NELL2: variants seen among roughly 807,000 people sequenced by gnomAD.
The protein encoded by NELL2 is protein kinase C-binding protein NELL2.
NELL2 carries 41 observed loss-of-function variants against 109.6 expected under a neutral mutation model. The observed-to-expected ratio is 0.37, with a 90% CI of 0.29 to 0.49. The LOEUF is 0.49. Among genes scored for constraint, NELL2 ranks in the 20% least tolerant of loss-of-function variants. The pLI is 0.98. For missense variants in NELL2, 900 were observed against 1,008.3 expected, an observed-to-expected ratio of 0.89 and a Z score of 1.45; for synonymous variants, 355 against 344.7, an observed-to-expected ratio of 1.03 and a Z score of -0.33.
chr12:44,717,697 A>C (rs894200456), intron 9 of NELL2, among the ~76,000 whole-genome samples: 2 of 152,198 alleles, frequency 1.3e-5, no homozygotes, highest in Non-Finnish European at 2.9e-5. Context: ...AGCCAGAATT[A>C]TGGAGGAGAG....
intron 15 of NELL2, among the ~76,000 whole-genome samples, chr12:44,563,085 A>G (rs1413013670): frequency 6.6e-6 from 1 of 152,150 alleles, no homozygotes; most frequent in Admixed American, 6.5e-5. Context: ...AAAACACCAC[A>G]TGTTCTCACT....
intron 15 of NELL2, among the ~76,000 whole-genome samples, chr12:44,545,428 G>A (rs1049498603): frequency 3.7e-4 from 57 of 152,170 alleles, no homozygotes; most frequent in African/African-American, 1.7e-4. Context: ...AATGTCTATC[G>A]TGTAAAAATG....
At chr12:44,629,189 A>G (rs1351320654) in intron 13 of NELL2, among the ~76,000 whole-genome samples, 1 of 152,224 alleles carries the variant, frequency 6.6e-6, no homozygotes, top group Non-Finnish European at 1.5e-5. Context: ...ATGAAAGGGT[A>G]TAATTTCAGT....
intron 9 of NELL2, among the ~76,000 whole-genome samples, chr12:44,737,195 G>A (rs1939696291): frequency 6.6e-6 from 1 of 151,786 alleles, no homozygotes; most frequent in Admixed American, 6.6e-5. Context: ...GATAAAGTAT[G>A]TTTAATTTTT....
chr12:44,856,579 G>T (rs1944690162), intron 2 of NELL2, among the ~76,000 whole-genome samples: 1 of 152,184 alleles, frequency 6.6e-6, no homozygotes, highest in Non-Finnish European at 1.5e-5. Flanking sequence ...TGGGGGAAGA[G>T]CATTCCAGGG....
intron 3 of NELL2, among the ~76,000 whole-genome samples, chr12:44,783,749 TA>T (rs1942053550): frequency 3.3e-5 from 5 of 151,988 alleles, no homozygotes; most frequent in Admixed American, 3.3e-4. Context: ...TCTCACGTAA[TA>T]AAAGAAGTCA....
intron 12 of NELL2, among the ~76,000 whole-genome samples, chr12:44,674,412 G>A (rs371713599): frequency 6.6e-6 from 1 of 152,034 alleles, no homozygotes; most frequent in Non-Finnish European, 1.5e-5. Flanking sequence ...AAAATATAAC[G>A]GTGTGGCAGG....
At position 44,844,508 on chromosome 12, in the gene NELL2, A is replaced by T. The variant is rs533717364; in HGVS notation, c.185-28372T>A. Among the ~76,000 whole-genome samples the T allele has an allele frequency of 5.3e-5, 8 of 152,330 alleles. No homozygotes were observed. In the East Asian group the frequency reaches 1.5e-3, roughly 29 times the overall value. ...CATAGAAAACTAAGCAATTGTAAAA[A>T]TCAGCCTCCTCAAAGGTGGGGGATG... On this transcript the variant is annotated intron_variant, in intron 2 of 19. Transcript: ENST00000429094.
chr12:44,746,638 G>A (rs1049402778), intron 9 of NELL2, among the ~76,000 whole-genome samples: 3 of 152,100 alleles, frequency 2.0e-5, no homozygotes, highest in Admixed American at 2.0e-4. Context: ...AGTGGGCGAA[G>A]GATATGAACA....
At chr12:44,567,515 A>T (rs1217951195) in intron 15 of NELL2, among the ~76,000 whole-genome samples, 1 of 152,198 alleles carries the variant, frequency 6.6e-6, no homozygotes, top group Non-Finnish European at 1.5e-5. Context: ...GTAATGAGAA[A>T]ATGAAAAACA....
intron 11 of NELL2, among the ~76,000 whole-genome samples, chr12:44,709,964 A>C (rs1410001649): frequency 6.6e-6 from 1 of 152,208 alleles, no homozygotes; most frequent in East Asian, 1.9e-4. Context: ...TTATATGTCT[A>C]TGTGATCATA....
At chr12:44,708,106 C>A (rs1450026607) in intron 11 of NELL2, among the ~76,000 whole-genome samples, 1 of 152,136 alleles carries the variant, frequency 6.6e-6, no homozygotes, top group African/African-American at 2.4e-5. Flanking sequence ...AGGTTATCCA[C>A]ATTATTTCTT....
chr12:44,590,222 T>C (rs1452965298), intron 15 of NELL2, among the ~76,000 whole-genome samples: 2 of 149,548 alleles, frequency 1.3e-5, no homozygotes, highest in Admixed American at 1.3e-4. Flanking sequence ...AGTATATATA[T>C]ATTTATCATA....
intron 9 of NELL2, among the ~76,000 whole-genome samples, chr12:44,769,190 T>C (rs1444061042): frequency 6.6e-6 from 1 of 152,120 alleles, no homozygotes; most frequent in Non-Finnish European, 1.5e-5. Context: ...GTGACAGGAC[T>C]AGAATCATCT....
intron 15 of NELL2, among the ~76,000 whole-genome samples, chr12:44,581,559 A>T (rs992555561): frequency 1.1e-4 from 17 of 152,336 alleles, no homozygotes; most frequent in Middle Eastern, 3.4e-3. Flanking sequence ...GTAACTTTTA[A>T]CACTTAAAAA....
chr12:44,734,440 G>A (rs959255610), intron 9 of NELL2, among the ~76,000 whole-genome samples: 5 of 151,340 alleles, frequency 3.3e-5, no homozygotes, highest in Non-Finnish European at 5.9e-5. Flanking sequence ...TTTAGTCTAT[G>A]TATATTTAGT....
At chr12:44,583,897 C>T (rs974678087) in intron 15 of NELL2, among the ~76,000 whole-genome samples, 13 of 152,128 alleles carry the variant, frequency 8.5e-5, no homozygotes, top group Admixed American at 2.6e-4. Flanking sequence ...CTCAGCCTCC[C>T]GAACAGCTGG....
rs1446820641 is a variant in NELL2, at chr12:44,703,807, A to G, written c.1237T>C (p.Cys413Arg). 23 of 1,613,464 alleles carry G rather than the reference A, an allele frequency of 1.4e-5. No homozygotes were observed. Among genetic ancestry groups the G allele is most frequent in the Non-Finnish European group, 1.5e-5 (18 of 1,179,638 alleles). The change falls in exon 12 of 20, where the codon TGC (cysteine) becomes CGC (arginine). Residue 413 changes from cysteine (C) to arginine (R), a missense_variant. Cys to Arg is a radical substitution (Grantham distance 180, BLOSUM62 -3). This residue lies in a region of NELL2 where 292 missense variants were observed against 265.3 expected (regional missense o/e 1.10). Coordinates refer to ENST00000429094, the MANE Select transcript of NELL2 (RefSeq NM_001145108.2). ...ERHNCMENSI[C>R]RNLNDRAVCS... ...ACAGCCCTGTCATTCAGATTTCTGCAGATGGAATTCTCCATGCAGTTATGC... is the reference window on the plus strand; with the variant it reads ...ACAGCCCTGTCATTCAGATTTCTGCGGATGGAATTCTCCATGCAGTTATGC...
At chr12:44,715,027 C>G (rs1177225025) in intron 9 of NELL2, among the ~76,000 whole-genome samples, 1 of 151,880 alleles carries the variant, frequency 6.6e-6, no homozygotes, top group East Asian at 1.9e-4. Context: ...CAGCCAATTA[C>G]TTGCCTAATA....
Sources: allele counts gnomAD v4.1 joint callset (sites outside exome capture counted in the v4.1 genomes callset), GRCh38; gene constraint gnomAD v4.1.1; regional missense constraint gnomAD v4.1.1; transcripts MANE v1.5; gene names NCBI Gene and HGNC (gene_info 2026-07-23, HGNC 2026-07-21).